SRSF11: variants seen among roughly 807,000 people sequenced by gnomAD.
SRSF11 encodes serine and arginine rich splicing factor 11.
Under a neutral mutation model 56.0 loss-of-function variants are expected in SRSF11, and 9 were observed. The ratio of observed to expected loss-of-function variants is 0.16; its 90% CI spans 0.10 to 0.28. The LOEUF (loss-of-function observed/expected upper bound fraction) is 0.28. Ranked by LOEUF, SRSF11 falls within the 10% of genes least tolerant of loss-of-function variation. The pLI, the probability that SRSF11 is intolerant of heterozygous loss-of-function variation, is 1.00. For missense variants in SRSF11, 421 were observed against 600.7 expected (o/e 0.70, Z 3.13); for synonymous variants, 222 against 215.3 (o/e 1.03, Z -0.27).
At chr1:70,231,784 A>G in intron 2 of SRSF11, 1 of 1,324,928 alleles carries the variant, frequency 7.5e-7, no homozygotes, top group African/African-American at 1.5e-5. Context: ...AATCATAGTA[A>G]CTGTACCATA....
In SRSF11 at chr1:70,251,941, T is replaced by C. The variant is rs950384482; in HGVS notation, c.*1136T>C. On this transcript the variant is annotated 3_prime_UTR_variant, in exon 12 of 12. Transcript: ENST00000370949. ...CAAAAGTAGGCTACAGTCTGTGCCA[T>C]GTTGATGTACAGTTTCTGAAATTGT... 9 of 152,632 alleles carry C rather than the reference T, an allele frequency of 5.9e-5. No homozygotes were observed. The highest frequency in any genetic ancestry group is 1.9e-4 in the African/African-American group (8 of 41,462). The allele number at this position is 152,632 out of a possible 1,614,324, so 9.5% of individuals were successfully genotyped here. A position where few individuals can be genotyped will look rare whatever the true frequency, so the allele number is the denominator to read the frequency against.
chr1:70,229,455 A>G, intron 2 of SRSF11: 3 of 985,354 alleles, frequency 3.0e-6, no homozygotes, highest in Non-Finnish European at 3.6e-6. Flanking sequence ...AAATTTTAAT[A>G]CCATTTTGTA....
intron 6 of SRSF11, 44 bp from the exon 7 acceptor site, chr1:70,239,395 A>G (rs746445285): frequency 3.5e-6 from 5 of 1,433,858 alleles, no homozygotes; most frequent in Non-Finnish European, 3.9e-6. Context: ...TCTGGCCCCT[A>G]TTTAATAACT....
At chr1:70,246,614 C>T (rs1204026459) in intron 8 of SRSF11, 1 of 394,936 alleles carries the variant, frequency 2.5e-6, no homozygotes. Flanking sequence ...TGGGAGAAAA[C>T]CTAGGATAAT....
intron 1 of SRSF11, among the ~76,000 whole-genome samples, chr1:70,208,084 TAAA>T (rs1669220753): frequency 6.6e-6 from 1 of 152,156 alleles, no homozygotes; most frequent in South Asian, 2.1e-4. Context: ...TTCAATTTAT[TAAA>T]AAATAACAGC....
At chr1:70,214,270 T>C (rs1669812767) in intron 1 of SRSF11, among the ~76,000 whole-genome samples, 1 of 152,126 alleles carries the variant, frequency 6.6e-6, no homozygotes, top group Admixed American at 6.5e-5. Flanking sequence ...TTTTATAACA[T>C]AGAAGATAGT....
At chr1:70,222,995 T>C (rs1670992938) in intron 1 of SRSF11, among the ~76,000 whole-genome samples, 1 of 152,230 alleles carries the variant, frequency 6.6e-6, no homozygotes, top group Admixed American at 6.5e-5. Flanking sequence ...TTAGTTTGCA[T>C]GACGTGGAGT....
chr1:70,209,639 C>G (rs12140525), intron 1 of SRSF11, among the ~76,000 whole-genome samples: 1 of 148,836 alleles, frequency 6.7e-6, no homozygotes, highest in African/African-American at 2.5e-5. Flanking sequence ...GAGACAGAGT[C>G]TCAGTCTGTT....
intron 2 of SRSF11, chr1:70,230,383 T>C: frequency 9.1e-7 from 1 of 1,096,754 alleles, no homozygotes; most frequent in Non-Finnish European, 1.1e-6. Context: ...GGTCAGTGTT[T>C]TAGAACAGTA....
chr1:70,237,417 T>G lies in SRSF11; in HGVS notation c.591-8T>G. On this transcript the variant is annotated splice_region_variant and splice_polypyrimidine_tract_variant and intron_variant, in intron 5 of 11. Coordinates refer to ENST00000370949, the MANE Select transcript of SRSF11 (RefSeq NM_001350605.2). ...TATTTCAGATCCCATTTCTTGGTTC[T>G]GTTTCAGGTTGAATCATGTAGCTGC... 6.2e-7 allele frequency: 1 copy of G among 1,611,288 alleles called. No homozygotes were observed. Among genetic ancestry groups the G allele is most frequent in the Non-Finnish European group, 8.5e-7 (1 of 1,179,588 alleles).
At chr1:70,211,948 C>T (rs1411445502) in intron 1 of SRSF11, among the ~76,000 whole-genome samples, 1 of 152,180 alleles carries the variant, frequency 6.6e-6, no homozygotes, top group East Asian at 1.9e-4. Context: ...TACTACATCT[C>T]TACCATCTCA....
chr1:70,246,272 AAATT>A (rs1023922274), intron 8 of SRSF11, among the ~76,000 whole-genome samples: 2 of 152,108 alleles, frequency 1.3e-5, no homozygotes, highest in Non-Finnish European at 2.9e-5. Flanking sequence ...TAAAAAAAAA[AAATT>A]GAGTTACGGC....
intron 1 of SRSF11, among the ~76,000 whole-genome samples, chr1:70,227,735 T>C (rs2100690910): frequency 6.6e-6 from 1 of 152,336 alleles, no homozygotes; most frequent in Middle Eastern, 3.4e-3. Context: ...GTCTTTCTTT[T>C]ACCTAAGGAA....
At chr1:70,240,048 A>C (rs538976965) in intron 7 of SRSF11, among the ~76,000 whole-genome samples, 2 of 152,196 alleles carry the variant, frequency 1.3e-5, no homozygotes, top group Non-Finnish European at 2.9e-5. Context: ...CTAATTAATC[A>C]TAGTTTCTAG....
intron 1 of SRSF11, among the ~76,000 whole-genome samples, chr1:70,209,733 C>G (rs1414969318): frequency 1.5e-5 from 2 of 133,384 alleles, no homozygotes; most frequent in African/African-American, 5.8e-5. Flanking sequence ...CTAAAAGCAC[C>G]TCGCTTCTTT....
intron 1 of SRSF11, among the ~76,000 whole-genome samples, chr1:70,212,610 G>C (rs1352229982): frequency 6.6e-6 from 1 of 152,098 alleles, no homozygotes; most frequent in Non-Finnish European, 1.5e-5. Context: ...TTTCATGTTG[G>C]TGTCATGTTT....
At chr1:70,237,912 A>AT (rs1260137738) in intron 6 of SRSF11, among the ~76,000 whole-genome samples, 1 of 152,090 alleles carries the variant, frequency 6.6e-6, no homozygotes, top group Non-Finnish European at 1.5e-5. Context: ...CCTAATTTTA[A>AT]TTTTTTTCAT....
intron 1 of SRSF11, among the ~76,000 whole-genome samples, chr1:70,213,101 G>A (rs575542721): frequency 6.6e-6 from 1 of 152,172 alleles, no homozygotes; most frequent in African/African-American, 2.4e-5. Flanking sequence ...AGTTTTTTCC[G>A]ACTTTCTTGT....
chr1:70,236,865 G>A (rs1188738992), intron 5 of SRSF11, among the ~76,000 whole-genome samples: 4 of 142,390 alleles, frequency 2.8e-5, no homozygotes, highest in Non-Finnish European at 3.0e-5. Flanking sequence ...GTGCAGTGGC[G>A]CGATGTCTGC....
Sources: allele counts gnomAD v4.1 joint callset (sites outside exome capture counted in the v4.1 genomes callset), GRCh38; gene constraint gnomAD v4.1.1; transcripts MANE v1.5; gene names NCBI Gene and HGNC (gene_info 2026-07-23, HGNC 2026-07-21).